Variants in ATRN observed in about 807,000 individuals in gnomAD.
ATRN encodes the protein attractin-2.
ATRN carries 54 observed loss-of-function variants against 178.7 expected under a neutral mutation model. The observed-to-expected ratio is 0.30, with a 90% CI of 0.24 to 0.38. ATRN has a LOEUF of 0.38. Among genes scored for constraint, ATRN ranks in the 10% least tolerant of loss-of-function variants. ATRN has a pLI of 1.00. For synonymous variants in ATRN, 636 were observed against 663.0 expected, an observed-to-expected ratio of 0.96 and a Z score of 0.63; for missense variants, 1,443 against 1,815.1, an observed-to-expected ratio of 0.79 and a Z score of 3.73.
chr20:3,492,150 G>A (rs911856359), intron 1 of ATRN, among the ~76,000 whole-genome samples: 23 of 146,788 alleles, frequency 1.6e-4, no homozygotes, highest in Admixed American at 6.3e-4. Flanking sequence ...AGGGTTGAGA[G>A]CATATTCTAG....
At chr20:3,571,015 A>C (rs1167909813) in intron 11 of ATRN, among the ~76,000 whole-genome samples, 2 of 152,206 alleles carry the variant, frequency 1.3e-5, no homozygotes, top group African/African-American at 2.4e-5. Context: ...CATTGTTTGA[A>C]TACTTTTCTC....
intron 24 of ATRN, among the ~76,000 whole-genome samples, chr20:3,607,135 C>T (rs1008194715): frequency 1.2e-4 from 18 of 151,844 alleles, no homozygotes; most frequent in African/African-American, 2.7e-4. Flanking sequence ...CATAATTGTA[C>T]GTATTTATGA....
At chr20:3,499,261 A>G (rs2146104088) in intron 1 of ATRN, among the ~76,000 whole-genome samples, 1 of 111,468 alleles carries the variant, frequency 9.0e-6, no homozygotes, top group Non-Finnish European at 1.9e-5. Flanking sequence ...ATACTGCCCA[A>G]GGTAATTTAC....
intron 1 of ATRN, among the ~76,000 whole-genome samples, chr20:3,530,814 G>A (rs1351052691): frequency 1.1e-4 from 16 of 151,992 alleles, no homozygotes; most frequent in Admixed American, 9.8e-4. Flanking sequence ...TATAGGCTGC[G>A]TTGTCTGGTA....
chr20:3,515,213 TG>T (rs2085190925), intron 1 of ATRN, among the ~76,000 whole-genome samples: 1 of 152,210 alleles, frequency 6.6e-6, no homozygotes, highest in Non-Finnish European at 1.5e-5. Flanking sequence ...ACAGATGTTA[TG>T]CTTGCATTAT....
At position 3,648,494 on chromosome 20, in the gene ATRN, G is replaced by A. The variant is rs148911326; in HGVS notation, c.*1647G>A. The A allele has an allele frequency of 2.7e-4, 41 of 152,682 alleles. No homozygotes were observed. Among genetic ancestry groups the A allele is most frequent in the African/African-American group, 9.1e-4 (38 of 41,538 alleles). 9.5% of individuals were successfully genotyped at this position (152,682 alleles called of 1,614,324 possible). On this transcript the variant is annotated 3_prime_UTR_variant, in exon 29 of 29. Transcript: ENST00000262919. Reference sequence around the variant, plus strand: ...GATGGACCGCTGGACAGCAATGCTCGAGTTTGTGAATTTGGAGAGATACTC... The same window carrying A: ...GATGGACCGCTGGACAGCAATGCTCAAGTTTGTGAATTTGGAGAGATACTC...
At chr20:3,536,205 T>C (rs960209504) in intron 2 of ATRN, among the ~76,000 whole-genome samples, 4 of 151,896 alleles carry the variant, frequency 2.6e-5, no homozygotes, top group African/African-American at 9.7e-5. Flanking sequence ...GTTTATTTAT[T>C]ATTTATTTAT....
At chr20:3,556,475 G>A (rs761560478) in intron 6 of ATRN, among the ~76,000 whole-genome samples, 11 of 152,152 alleles carry the variant, frequency 7.2e-5, no homozygotes, top group African/African-American at 1.7e-4. Context: ...TAGGTGGCCC[G>A]ATTGGGTTAC....
intron 1 of ATRN, among the ~76,000 whole-genome samples, chr20:3,514,834 C>G (rs1374400110): frequency 6.6e-6 from 1 of 152,002 alleles, no homozygotes; most frequent in Non-Finnish European, 1.5e-5. Flanking sequence ...GTGTGTGCCT[C>G]TAGTCCCAGC....
In ATRN at chr20:3,620,903, G is replaced by A. The variant is rs6037637; in HGVS notation, c.3802-3608G>A. ...CAAGTTTGTCCAACCCATGGCCCGCGGGCTACATGCAGCCCAGGACGGCTT... is the reference window on the plus strand; with the variant it reads ...CAAGTTTGTCCAACCCATGGCCCGCAGGCTACATGCAGCCCAGGACGGCTT... On this transcript the variant is annotated intron_variant, in intron 24 of 28. Transcript: ENST00000262919. Among the ~76,000 whole-genome samples, 1,356 of 152,228 alleles carry A rather than the reference G, an allele frequency of 8.9e-3. 24 individuals carry two copies. Among genetic ancestry groups the A allele is most frequent in the African/African-American group, 0.031 (1,292 of 41,514 alleles).
At chr20:3,581,469 G>A (rs2086281703) in intron 15 of ATRN, among the ~76,000 whole-genome samples, 1 of 152,150 alleles carries the variant, frequency 6.6e-6, no homozygotes, top group East Asian at 1.9e-4. Context: ...ATGGATGAAT[G>A]GATAAAGCAA....
chr20:3,524,139 C>T (rs1056082829), intron 1 of ATRN, among the ~76,000 whole-genome samples: 23 of 151,404 alleles, frequency 1.5e-4, no homozygotes, highest in Admixed American at 5.3e-4. Context: ...CAAGACCCAT[C>T]GGTGTGCTGT....
At position 3,485,610 on chromosome 20, in the gene ATRN, G is replaced by GTTTTTTTTTTT. The variant is rs3084238; in HGVS notation, c.410+14112_410+14122dup. Reference sequence around the variant, plus strand: ...TGGTTTGCCAATACATTTTTTTGAGGTTTTTTTTTTTTTTTTTTTTTTTTT... The same window carrying GTTTTTTTTTTT: ...TGGTTTGCCAATACATTTTTTTGAGGTTTTTTTTTTTTTTTTTTTTTTTTTTTTTTTTTTTT... On this transcript the variant is annotated intron_variant, in intron 1 of 28. Transcript: ENST00000262919. Among the ~76,000 whole-genome samples, 93 of 67,902 alleles carry GTTTTTTTTTTT rather than the reference G, an allele frequency of 1.4e-3. 10 individuals carry two copies. Among genetic ancestry groups the GTTTTTTTTTTT allele is most frequent in the African/African-American group, 4.3e-3 (78 of 18,118 alleles). 44.5% of individuals were successfully genotyped at this position (67,902 alleles called of 152,430 possible).
intron 16 of ATRN, among the ~76,000 whole-genome samples, chr20:3,582,916 A>G (rs1380369746): frequency 6.6e-6 from 1 of 152,150 alleles, no homozygotes; most frequent in Non-Finnish European, 1.5e-5. Flanking sequence ...TCTCTGGGCT[A>G]CATTTTGGCT....
At chr20:3,545,483 A>C (rs2085687881) in intron 3 of ATRN, among the ~76,000 whole-genome samples, 1 of 152,138 alleles carries the variant, frequency 6.6e-6, no homozygotes, top group Non-Finnish European at 1.5e-5. Flanking sequence ...TCAAAGAAGC[A>C]GTATAAAAAG....
At position 3,572,848 on chromosome 20, in the gene ATRN, T is replaced by C. The variant is rs1193886552; in HGVS notation, c.1989T>C (p.Gly663=). ...SEAACLAAGP[G]IRCVWNTGSS... Reference sequence around the variant, plus strand: ...CCGCTTGTTTAGCAGCAGGACCTGGTATTCGGTGTGTGTGGAACACAGGGT... The same window carrying C: ...CCGCTTGTTTAGCAGCAGGACCTGGCATTCGGTGTGTGTGGAACACAGGGT... Residue 663 remains glycine (G), a synonymous_variant, in exon 12 of 29, where the codon GGT becomes GGC. Coordinates refer to ENST00000262919, the MANE Select transcript of ATRN (RefSeq NM_139321.3). The C allele has an allele frequency of 2.5e-6, 4 of 1,613,458 alleles. No homozygotes were observed. The African/African-American group carries it at 5.4e-5, about 22-fold the overall frequency.
chr20:3,510,874 A>C (rs1485223252), intron 1 of ATRN, among the ~76,000 whole-genome samples: 1 of 152,204 alleles, frequency 6.6e-6, no homozygotes, highest in East Asian at 1.9e-4. Context: ...TCTACTTTTT[A>C]GCATCCACTG....
chr20:3,627,521 T>G lies in ATRN; in HGVS notation c.3863+2949T>G, dbSNP rs145745128. 5.2e-3 allele frequency among the ~76,000 whole-genome samples: 795 copies of G among 152,238 alleles called. 7 individuals carry two copies. The highest frequency in any genetic ancestry group is 0.018 in the African/African-American group (730 of 41,528). On this transcript the variant is annotated intron_variant, in intron 25 of 28. Coordinates refer to ENST00000262919, the MANE Select transcript of ATRN (RefSeq NM_139321.3). ...TAGAGAGGATCTTAAAAACTGTCAG[T>G]TGGATCTTTGAAAAGAGTAAGAATA... is the stretch of plus-strand genomic sequence containing the variant.
intron 9 of ATRN, 80 bp downstream of exon 9, chr20:3,562,539 T>G (rs2085970230): frequency 3.5e-6 from 5 of 1,420,450 alleles, no homozygotes; most frequent in South Asian, 2.6e-5. Context: ...GTGCTATCTT[T>G]TTGTTTTCAT....
Sources: gnomAD v4.1 joint callset for allele counts (sites outside exome capture counted in the v4.1 genomes callset) on GRCh38, gnomAD v4.1.1 for gene constraint, MANE v1.5 for transcripts, NCBI Gene and HGNC (gene_info 2026-07-23, HGNC 2026-07-21) for gene names.